The following SVIL variants were observed in gnomAD, a reference collection of about 807,000 sequenced individuals.
SVIL encodes the protein supervillin.
In SVIL, 101 loss-of-function variants were observed where a neutral mutation model predicts 240.4. The ratio of observed to expected loss-of-function variants is 0.42; its 90% CI spans 0.36 to 0.50. The LOEUF (loss-of-function observed/expected upper bound fraction) is 0.50. Ranked by LOEUF, SVIL falls within the 20% of genes least tolerant of loss-of-function variation. The probability of loss-of-function intolerance (pLI) is 0.01; values close to 1 mark genes in which losing one functional copy is unlikely to be tolerated. For synonymous variants in SVIL, 999 were observed against 1,100.0 expected (o/e 0.91, Z 1.82); for missense variants, 2,512 against 2,818.7 (o/e 0.89, Z 2.46).
At chr10:29,725,424 A>G (rs1964234019) in intron 1 of SVIL, among the ~76,000 whole-genome samples, 1 of 152,160 alleles carries the variant, frequency 6.6e-6, no homozygotes, top group Non-Finnish European at 1.5e-5. Context: ...AAAAGGCAGG[A>G]AAGGGGAGAT....
Position 29,580,006 on chromosome 10 carries a change from G to A in SVIL, c.-200-10694C>T, listed in dbSNP as rs571388568. Among the ~76,000 whole-genome samples, 6 of 152,178 alleles carry A rather than the reference G, an allele frequency of 3.9e-5. No homozygotes were observed. In the East Asian group the frequency reaches 9.7e-4, roughly 25 times the overall value. ...GCCTGACCTAGGATAGATACATCAAGCGTAGACCAACAACTTAAAATACAT... is the reference window on the plus strand; with the variant it reads ...GCCTGACCTAGGATAGATACATCAAACGTAGACCAACAACTTAAAATACAT... On this transcript the variant is annotated intron_variant, in intron 1 of 37. Coordinates refer to ENST00000355867, the MANE Select transcript of SVIL (RefSeq NM_021738.3).
chr10:29,486,863 ACTTC>A (rs1451118348), intron 24 of SVIL, among the ~76,000 whole-genome samples: 1 of 152,210 alleles, frequency 6.6e-6, no homozygotes, highest in Non-Finnish European at 1.5e-5. Context: ...CTATGGCAGA[ACTTC>A]AGAGCTACCT....
intron 1 of SVIL, among the ~76,000 whole-genome samples, chr10:29,593,730 T>G (rs74354103): frequency 1.0e-5 from 1 of 97,630 alleles, no homozygotes; most frequent in Admixed American, 9.7e-5. Flanking sequence ...ACCATACACA[T>G]GTTAAGAAAT....
chr10:29,724,181 C>T (rs201398755), intron 1 of SVIL, among the ~76,000 whole-genome samples: 5 of 144,518 alleles, frequency 3.5e-5, no homozygotes, highest in South Asian at 2.2e-4. Flanking sequence ...TGTTTTCTCT[C>T]TTTTTTTTTT....
At chr10:29,717,384 A>G (rs546390217) in intron 1 of SVIL, among the ~76,000 whole-genome samples, 1 of 152,200 alleles carries the variant, frequency 6.6e-6, no homozygotes, top group African/African-American at 2.4e-5. Context: ...AGGCAGGAGA[A>G]TTTATGTCAA....
At chr10:29,544,880 A>C (rs1952499618) in intron 6 of SVIL, 1 of 394,794 alleles carries the variant, frequency 2.5e-6, no homozygotes, top group African/African-American at 2.0e-5. Flanking sequence ...AGAGTATGGC[A>C]GGGAGCACAG....
chr10:29,581,618 CT>C (rs1589315766), intron 1 of SVIL, among the ~76,000 whole-genome samples: 1 of 152,164 alleles, frequency 6.6e-6, no homozygotes, highest in East Asian at 1.9e-4. Flanking sequence ...AAAGAAAAGG[CT>C]TATTGCAATC....
At chr10:29,659,849 A>G (rs1237487639) in intron 2 of SVIL, among the ~76,000 whole-genome samples, 2 of 152,102 alleles carry the variant, frequency 1.3e-5, no homozygotes, top group African/African-American at 2.4e-5. Flanking sequence ...AAATCTCTTT[A>G]TTACTAAAAA....
At position 29,529,295 on chromosome 10, in the gene SVIL, A is replaced by G. The variant is rs530372712; in HGVS notation, c.2246+410T>C. ...TGGGATATTTATGGATGAAATGGTA[A>G]GACCTCTAGTGTTTGCTTGAAAATA... is the stretch of plus-strand genomic sequence containing the variant. On this transcript the variant is annotated intron_variant, in intron 12 of 37. Coordinates refer to ENST00000355867, the MANE Select transcript of SVIL (RefSeq NM_021738.3). 2.6e-5 allele frequency among the ~76,000 whole-genome samples: 4 copies of G among 152,256 alleles called. No homozygotes were observed. In the East Asian group the frequency reaches 7.7e-4, roughly 29 times the overall value.
In SVIL at chr10:29,481,133, GGTGT is replaced by G. The variant is rs57479630; in HGVS notation, c.5101-324_5101-321del. On this transcript the variant is annotated intron_variant, in intron 28 of 37. Transcript: ENST00000355867. ...CCTGGGAAGGCTTCCTAGCTTTAAG[GGTGT>G]GTGTGTGTGTGTGTGTGTGTGTGTG... Among the ~76,000 whole-genome samples the G allele has an allele frequency of 3.5e-3, 497 of 141,370 alleles. 3 individuals carry two copies. Among genetic ancestry groups the G allele is most frequent in the East Asian group, 0.019 (91 of 4,704 alleles). The allele number at this position is 141,370 out of a possible 152,430, so 92.7% of individuals were successfully genotyped here.
chr10:29,533,929 A>G (rs540502173), intron 7 of SVIL, among the ~76,000 whole-genome samples: 1 of 152,196 alleles, frequency 6.6e-6, no homozygotes, highest in Non-Finnish European at 1.5e-5. Flanking sequence ...GTCGTCTGAA[A>G]ATGTAAGAGC....
At chr10:29,500,010 T>C (rs1260750187) in intron 17 of SVIL, among the ~76,000 whole-genome samples, 2 of 152,126 alleles carry the variant, frequency 1.3e-5, no homozygotes, top group Non-Finnish European at 2.9e-5. Flanking sequence ...TGATGCTCAT[T>C]AGGCTTGCGG....
chr10:29,702,893 G>A (rs1246693597), intron 1 of SVIL, among the ~76,000 whole-genome samples: 2 of 152,110 alleles, frequency 1.3e-5, no homozygotes, highest in East Asian at 1.9e-4. Context: ...GGGTAGAATC[G>A]TACTGATCTC....
At chr10:29,661,560 C>T (rs1403662691) in intron 2 of SVIL, among the ~76,000 whole-genome samples, 2 of 152,164 alleles carry the variant, frequency 1.3e-5, no homozygotes, top group Non-Finnish European at 2.9e-5. Context: ...TTGACCTTTC[C>T]AAGGCATTTC....
At chr10:29,567,759 G>A (rs879905870) in intron 2 of SVIL, among the ~76,000 whole-genome samples, 11 of 152,174 alleles carry the variant, frequency 7.2e-5, no homozygotes, top group Admixed American at 2.0e-4. Flanking sequence ...ACTCACGCCT[G>A]TAATCCCAGC....
intron 1 of SVIL, among the ~76,000 whole-genome samples, chr10:29,733,550 C>T (rs1174838942): frequency 6.6e-6 from 1 of 152,222 alleles, no homozygotes; most frequent in Non-Finnish European, 1.5e-5. Context: ...AGCCATCCTC[C>T]CACCTCGGCC....
intron 12 of SVIL, among the ~76,000 whole-genome samples, chr10:29,528,168 C>T (rs1314776591): frequency 6.6e-6 from 1 of 152,084 alleles, no homozygotes; most frequent in Non-Finnish European, 1.5e-5. Flanking sequence ...TTATTTTACA[C>T]CAGCCATTCA....
At chr10:29,463,945 G>A (rs757370141) in intron 34 of SVIL, among the ~76,000 whole-genome samples, 4 of 152,200 alleles carry the variant, frequency 2.6e-5, no homozygotes, top group Non-Finnish European at 5.9e-5. Flanking sequence ...TCTGGATACT[G>A]GCAGGGCTGT....
intron 1 of SVIL, among the ~76,000 whole-genome samples, chr10:29,720,927 A>G (rs1189335572): frequency 6.6e-6 from 1 of 152,056 alleles, no homozygotes; most frequent in Non-Finnish European, 1.5e-5. Flanking sequence ...TCTCACTGCA[A>G]CCTCTGCCTC....
Sources: gnomAD v4.1 joint callset for allele counts (sites outside exome capture counted in the v4.1 genomes callset) on GRCh38, gnomAD v4.1.1 for gene constraint, MANE v1.5 for transcripts, NCBI Gene and HGNC (gene_info 2026-07-23, HGNC 2026-07-21) for gene names.